NRCAM: variants seen among roughly 807,000 people sequenced by gnomAD.
NRCAM encodes the protein neuronal cell adhesion molecule.
A neutral mutation model predicts 156.5 loss-of-function variants in NRCAM; 83 were observed. The ratio of observed to expected loss-of-function variants is 0.53; its 90% confidence interval spans 0.44 to 0.64. The LOEUF (loss-of-function observed/expected upper bound fraction) is 0.64. Among genes scored for constraint, NRCAM ranks in the 30% least tolerant of loss-of-function variants. The pLI is 0.00. For synonymous variants in NRCAM, 538 were observed against 563.9 expected, an observed-to-expected ratio of 0.95 and a Z score of 0.65; for missense variants, 1,417 against 1,597.3, an observed-to-expected ratio of 0.89 and a Z score of 1.92.
intron 1 of NRCAM, among the ~76,000 whole-genome samples, chr7:108,409,798 T>A (rs1793074158): frequency 6.6e-6 from 1 of 152,248 alleles, no homozygotes. Flanking sequence ...CACAAGGTTA[T>A]GTTTACCTTG....
At chr7:108,301,726 T>C (rs1050851166) in intron 3 of NRCAM, among the ~76,000 whole-genome samples, 2 of 152,154 alleles carry the variant, frequency 1.3e-5, no homozygotes, top group African/African-American at 2.4e-5. Flanking sequence ...TGGATAGTGG[T>C]ATGGGTTTTG....
chr7:108,248,326 A>C (rs1319864033), intron 3 of NRCAM, among the ~76,000 whole-genome samples: 3 of 152,134 alleles, frequency 2.0e-5, no homozygotes, highest in Non-Finnish European at 4.4e-5. Context: ...ATTGTGTCAC[A>C]TTTCAAAGGT....
At chr7:108,336,285 C>T (rs1418506795) in intron 2 of NRCAM, among the ~76,000 whole-genome samples, 2 of 152,160 alleles carry the variant, frequency 1.3e-5, no homozygotes, top group Admixed American at 6.5e-5. Flanking sequence ...TCTGATAGAG[C>T]TTCTGTTATT....
At chr7:108,219,763 T>C (rs2091422885) in intron 11 of NRCAM, among the ~76,000 whole-genome samples, 1 of 152,136 alleles carries the variant, frequency 6.6e-6, no homozygotes, top group African/African-American at 2.4e-5. Flanking sequence ...GGGGAAAAGT[T>C]GAAAGCATTC....
At chr7:108,423,745 C>CT (rs1188954008) in intron 1 of NRCAM, among the ~76,000 whole-genome samples, 1 of 152,210 alleles carries the variant, frequency 6.6e-6, no homozygotes, top group African/African-American at 2.4e-5. Flanking sequence ...TGTTCTCTAC[C>CT]ACTCGGTGTC....
rs527627371 is a variant in NRCAM at position 108,440,928 on chromosome 7, T to C, written c.-332+15315A>G. ...TTCAGCTTTTAAAGAGCTTGCTGTA[T>C]AAAAAACACAACAGGCCTCTGTAAT... On this transcript the variant is annotated intron_variant, in intron 1 of 32. Transcript: ENST00000379028. 6.6e-5 allele frequency among the ~76,000 whole-genome samples: 10 copies of C among 152,306 alleles called. No homozygotes were observed. In the East Asian group the frequency reaches 1.5e-3, roughly 24 times the overall value.
At chr7:108,338,505 C>T (rs929854656) in intron 2 of NRCAM, among the ~76,000 whole-genome samples, 1 of 152,020 alleles carries the variant, frequency 6.6e-6, no homozygotes, top group African/African-American at 2.4e-5. Context: ...CATTCCCCAC[C>T]ACCCTTGCCA....
intron 3 of NRCAM, among the ~76,000 whole-genome samples, chr7:108,262,585 A>T (rs531938235): frequency 6.6e-6 from 1 of 152,322 alleles, no homozygotes; most frequent in African/African-American, 2.4e-5. Flanking sequence ...ACAAATCCTT[A>T]TAAGTCTTGA....
intron 23 of NRCAM, among the ~76,000 whole-genome samples, chr7:108,182,463 G>A (rs1488634965): frequency 2.0e-5 from 3 of 152,188 alleles, no homozygotes; most frequent in East Asian, 1.9e-4. Flanking sequence ...GGGTATCCAA[G>A]GCAGGGCATC....
At chr7:108,168,089 C>A (rs185276389) in intron 29 of NRCAM, among the ~76,000 whole-genome samples, 188 bp downstream of exon 29, 8 of 152,244 alleles carry the variant, frequency 5.3e-5, no homozygotes, top group Non-Finnish European at 1.0e-4. Context: ...CATAAAAAAG[C>A]AATTCCTAGT....
chr7:108,446,196 C>T (rs935436124), intron 1 of NRCAM, among the ~76,000 whole-genome samples: 2 of 152,140 alleles, frequency 1.3e-5, no homozygotes, highest in African/African-American at 4.8e-5. Flanking sequence ...TTTAGACCTC[C>T]GCAGCAGAAA....
intron 1 of NRCAM, among the ~76,000 whole-genome samples, chr7:108,422,559 C>T (rs1811421322): frequency 6.6e-6 from 1 of 152,058 alleles, no homozygotes. Context: ...GACAAGTACA[C>T]TTAAAGTAAA....
chr7:108,174,814 C>T (rs574605010), intron 28 of NRCAM, among the ~76,000 whole-genome samples: 20 of 152,332 alleles, frequency 1.3e-4, no homozygotes, highest in African/African-American at 4.6e-4. Flanking sequence ...GAGACTTAGT[C>T]CCAAACCAGT....
chr7:108,357,334 C>CTT (rs35117899), intron 2 of NRCAM, among the ~76,000 whole-genome samples: 12,732 of 141,536 alleles, frequency 0.09, 732 homozygotes, highest in African/African-American at 0.15. Context: ...GTGGGGCCAA[C>CTT]TTTTTTTTTT....
intron 2 of NRCAM, among the ~76,000 whole-genome samples, chr7:108,330,195 A>G (rs1017696107): frequency 1.3e-5 from 2 of 152,236 alleles, no homozygotes; most frequent in African/African-American, 2.4e-5. Context: ...GAATTTGTCC[A>G]TGTTTTCCTA....
intron 11 of NRCAM, among the ~76,000 whole-genome samples, chr7:108,219,553 A>G (rs2091338591): frequency 6.6e-6 from 1 of 152,234 alleles, no homozygotes. Flanking sequence ...AACATACACA[A>G]GTCAATAAAT....
At chr7:108,202,308 T>C (rs1239257921) in intron 13 of NRCAM, among the ~76,000 whole-genome samples, 2 of 152,138 alleles carry the variant, frequency 1.3e-5, no homozygotes, top group African/African-American at 4.8e-5. Context: ...ATAATAATAA[T>C]AATCATGCCA....
intron 18 of NRCAM, 40 bp downstream of exon 18, chr7:108,191,689 G>A (rs2071668479): frequency 1.3e-6 from 2 of 1,551,050 alleles, no homozygotes; most frequent in Non-Finnish European, 1.7e-6. Context: ...TCAACCAAAT[G>A]CAGGGAAGCC....
chr7:108,356,326 T>C (rs2099497042), intron 2 of NRCAM, among the ~76,000 whole-genome samples: 1 of 152,228 alleles, frequency 6.6e-6, no homozygotes, highest in South Asian at 2.1e-4. Flanking sequence ...TGTTCTATTA[T>C]TATTAATCTT....
Sources: allele counts gnomAD v4.1 joint callset (sites outside exome capture counted in the v4.1 genomes callset), GRCh38; gene constraint gnomAD v4.1.1; transcripts MANE v1.5; gene names NCBI Gene and HGNC (gene_info 2026-07-23, HGNC 2026-07-21).